Variants in XCR1 observed in about 807,000 individuals in gnomAD.
XCR1 encodes X-C motif chemokine receptor 1, also known as chemokine XC receptor 1.
For missense variants in XCR1, 356 were observed against 424.2 expected (o/e 0.84, Z 1.41); for synonymous variants, 187 against 188.5 (o/e 0.99, Z 0.06).
chr3:46,069,702 G>T (rs1698134803), intron 3 of XCR1, among the ~76,000 whole-genome samples: 1 of 152,004 alleles, frequency 6.6e-6, no homozygotes, highest in African/African-American at 2.4e-5. Flanking sequence ...ACCTCTCTTG[G>T]TAAGTCTAGC....
intron 1 of XCR1, among the ~76,000 whole-genome samples, chr3:46,083,755 G>T (rs1221128051): frequency 6.6e-6 from 1 of 152,218 alleles, no homozygotes; most frequent in Non-Finnish European, 1.5e-5. Context: ...CAAGGAGGTG[G>T]ATATGTGGTG....
At chr3:46,047,342 C>T (rs1386142290) in intron 5 of XCR1, among the ~76,000 whole-genome samples, 2 of 152,124 alleles carry the variant, frequency 1.3e-5, no homozygotes, top group Non-Finnish European at 2.9e-5. Context: ...GAATCCATAG[C>T]CAAGGGATGC....
intron 5 of XCR1, among the ~76,000 whole-genome samples, chr3:46,035,815 G>A (rs1320302367): frequency 1.3e-5 from 2 of 152,102 alleles, no homozygotes; most frequent in African/African-American, 4.8e-5. Flanking sequence ...GTTTCACTAC[G>A]GACACTCTTG....
chr3:46,025,347 T>G (rs1294508970), intron 1 of XCR1, among the ~76,000 whole-genome samples: 1 of 151,970 alleles, frequency 6.6e-6, no homozygotes, highest in African/African-American at 2.4e-5. Flanking sequence ...CAGGCTGCAG[T>G]GAGCTATAAT....
At chr3:46,069,587 C>G (rs1337557493) in intron 3 of XCR1, among the ~76,000 whole-genome samples, 1 of 152,110 alleles carries the variant, frequency 6.6e-6, no homozygotes, top group Non-Finnish European at 1.5e-5. Flanking sequence ...CAAAGCTTTA[C>G]CATAACATAA....
chr3:46,049,887 C>T (rs1355284085), intron 5 of XCR1, among the ~76,000 whole-genome samples: 2 of 152,202 alleles, frequency 1.3e-5, no homozygotes, highest in Non-Finnish European at 2.9e-5. Flanking sequence ...GTCTGCCAGG[C>T]AGTTGACATT....
At chr3:46,080,212 A>G (rs1698333529) in intron 1 of XCR1, among the ~76,000 whole-genome samples, 1 of 152,006 alleles carries the variant, frequency 6.6e-6, no homozygotes, top group African/African-American at 2.4e-5. Context: ...AAAAAAGCCA[A>G]CAAGTCTCCA....
At chr3:46,082,918 C>A (rs761045070) in intron 1 of XCR1, among the ~76,000 whole-genome samples, 1 of 152,154 alleles carries the variant, frequency 6.6e-6, no homozygotes, top group Non-Finnish European at 1.5e-5. Flanking sequence ...TACCCTAAAC[C>A]AAAAACTACT....
chr3:46,026,873 C>T (rs1315772094), intron 1 of XCR1, among the ~76,000 whole-genome samples: 2 of 150,898 alleles, frequency 1.3e-5, no homozygotes, highest in South Asian at 2.1e-4. Context: ...GGAGCCACCA[C>T]GCCCAGCCAA....
At chr3:46,046,094 C>A (rs1285107135) in intron 5 of XCR1, among the ~76,000 whole-genome samples, 1 of 152,174 alleles carries the variant, frequency 6.6e-6, no homozygotes, top group Non-Finnish European at 1.5e-5. Context: ...AGGCCATTAT[C>A]TTAAGTGAAA....
At chr3:46,052,767 T>A (rs1252017097) in intron 5 of XCR1, among the ~76,000 whole-genome samples, 1 of 152,130 alleles carries the variant, frequency 6.6e-6, no homozygotes, top group African/African-American at 2.4e-5. Flanking sequence ...AAAGCTAGAG[T>A]AAAGGTTAGC....
intron 5 of XCR1, among the ~76,000 whole-genome samples, chr3:46,050,551 C>A (rs1697720628): frequency 6.6e-6 from 1 of 152,042 alleles, no homozygotes; most frequent in South Asian, 2.1e-4. Context: ...GTAGGAGGGG[C>A]CAAAAGAATA....
intron 1 of XCR1, among the ~76,000 whole-genome samples, chr3:46,024,842 T>A (rs1708255167): frequency 6.6e-6 from 1 of 152,222 alleles, no homozygotes; most frequent in African/African-American, 2.4e-5. Flanking sequence ...TTTTTAATGA[T>A]GCATGAGTGG....
chr3:46,072,201 C>T (rs1022271646), intron 3 of XCR1, among the ~76,000 whole-genome samples: 1 of 152,060 alleles, frequency 6.6e-6, no homozygotes, highest in Non-Finnish European at 1.5e-5. Flanking sequence ...TTTACAATAA[C>T]TAAAATTAAA....
At chr3:46,032,829 G>A (rs184731453) in intron 5 of XCR1, among the ~76,000 whole-genome samples, 63 of 152,286 alleles carry the variant, frequency 4.1e-4, no homozygotes, top group Non-Finnish European at 6.3e-4. Flanking sequence ...ATTCTAATAC[G>A]TGCATGGGGT....
upstream of XCR1, among the ~76,000 whole-genome samples, chr3:46,029,244 C>A (rs905590266): frequency 6.6e-6 from 1 of 152,186 alleles, no homozygotes; most frequent in African/African-American, 2.4e-5. Context: ...CACTCTGTTG[C>A]CCCGTCTGGA....
chr3:46,074,947 AGCCCTGTAACTACTAAGGACATT>A (rs1698232372), intron 2 of XCR1, among the ~76,000 whole-genome samples: 1 of 152,212 alleles, frequency 6.6e-6, no homozygotes, highest in Admixed American at 6.5e-5. Context: ...TAATTTGAAT[AGCCCTGTAACTACTAAGGACATT>A]GAATTCATAA....
chr3:46,061,235 A>G (rs1418596241), intron 4 of XCR1, among the ~76,000 whole-genome samples: 1 of 152,164 alleles, frequency 6.6e-6, no homozygotes, highest in Non-Finnish European at 1.5e-5. Context: ...ACCACTAAAT[A>G]AGCTGGCTGA....
At chr3:46,024,846 T>C (rs1708255352) in intron 1 of XCR1, among the ~76,000 whole-genome samples, 1 of 152,200 alleles carries the variant, frequency 6.6e-6, no homozygotes, top group South Asian at 2.1e-4. Flanking sequence ...TAATGATGCA[T>C]GAGTGGAAGT....
Sources: allele counts gnomAD v4.1 joint callset (sites outside exome capture counted in the v4.1 genomes callset), GRCh38; gene constraint gnomAD v4.1.1; transcripts MANE v1.5; gene names NCBI Gene and HGNC (gene_info 2026-07-23, HGNC 2026-07-21).